Variants in PPP2R2B observed in about 807,000 individuals in gnomAD.
PPP2R2B encodes the protein protein phosphatase 2 regulatory subunit Bbeta, also known as serine/threonine-protein phosphatase 2A 55 kDa regulatory subunit B beta isoform.
PPP2R2B carries 5 observed loss-of-function variants against 46.0 expected under a neutral mutation model. The ratio of observed to expected loss-of-function variants is 0.11; its 90% CI spans 0.06 to 0.23. PPP2R2B has a LOEUF of 0.23. PPP2R2B is among the 10% of genes least tolerant of loss of function. PPP2R2B has a pLI of 1.00. For missense variants in PPP2R2B, 367 were observed against 575.0 expected (o/e 0.64, Z 3.70); for synonymous variants, 215 against 206.7 (o/e 1.04, Z -0.34).
intron 1 of PPP2R2B, among the ~76,000 whole-genome samples, chr5:146,973,740 A>G (rs1009459136): frequency 6.6e-6 from 1 of 152,050 alleles, no homozygotes; most frequent in African/African-American, 2.4e-5. Flanking sequence ...GGTATAACCT[A>G]CTTATATTTT....
chr5:146,634,325 C>T (rs1256680177), intron 7 of PPP2R2B, among the ~76,000 whole-genome samples: 1 of 152,026 alleles, frequency 6.6e-6, no homozygotes, highest in Non-Finnish European at 1.5e-5. Context: ...GGGTCTTCAG[C>T]CTGAGGGTTT....
At chr5:146,643,246 T>G (rs972847398) in intron 6 of PPP2R2B, among the ~76,000 whole-genome samples, 1 of 152,128 alleles carries the variant, frequency 6.6e-6, no homozygotes, top group Non-Finnish European at 1.5e-5. Flanking sequence ...TCTTTCTTTG[T>G]GTATTCTATA....
chr5:146,840,540 T>G (rs561134686), intron 2 of PPP2R2B, among the ~76,000 whole-genome samples: 1 of 152,156 alleles, frequency 6.6e-6, no homozygotes, highest in Non-Finnish European at 1.5e-5. Context: ...TCACTAAAAA[T>G]AAAATCAACA....
chr5:146,881,703 T>C (rs947699799), upstream of PPP2R2B, among the ~76,000 whole-genome samples: 14 of 152,178 alleles, frequency 9.2e-5, no homozygotes, highest in African/African-American at 3.4e-4. Flanking sequence ...TGAGCCACCA[T>C]GCCTGGCCTC....
chr5:146,954,677 GAA>G (rs1751793729), intron 1 of PPP2R2B, among the ~76,000 whole-genome samples: 1 of 151,472 alleles, frequency 6.6e-6, no homozygotes, highest in Non-Finnish European at 1.5e-5. Context: ...TAAAAGAAAT[GAA>G]AAGAGAGCCG....
chr5:146,710,277 T>C (rs1466654376), intron 2 of PPP2R2B, among the ~76,000 whole-genome samples: 1 of 152,188 alleles, frequency 6.6e-6, no homozygotes, highest in African/African-American at 2.4e-5. Flanking sequence ...CCACCATGCT[T>C]GCTGAGCTGT....
intron 6 of PPP2R2B, among the ~76,000 whole-genome samples, chr5:146,647,720 ATG>A (rs1307861349): frequency 6.6e-6 from 1 of 152,144 alleles, no homozygotes; most frequent in Non-Finnish European, 1.5e-5. Flanking sequence ...TTCAGAAAAC[ATG>A]TCACCTAGAC....
At chr5:146,952,835 G>A (rs1751683614) in intron 1 of PPP2R2B, among the ~76,000 whole-genome samples, 1 of 152,150 alleles carries the variant, frequency 6.6e-6, no homozygotes, top group African/African-American at 2.4e-5. Flanking sequence ...AGGTATGTGA[G>A]AGTCATAAGC....
chr5:146,859,568 C>G (rs1167646586), intron 2 of PPP2R2B, among the ~76,000 whole-genome samples: 1 of 152,176 alleles, frequency 6.6e-6, no homozygotes, highest in African/African-American at 2.4e-5. Flanking sequence ...TGCAGCTTAT[C>G]TATCTAACAA....
intron 2 of PPP2R2B, among the ~76,000 whole-genome samples, chr5:146,703,702 A>G (rs1190871366): frequency 6.6e-6 from 1 of 152,226 alleles, no homozygotes; most frequent in Non-Finnish European, 1.5e-5. Context: ...TTTAAGACCC[A>G]TGCAAGTCAA....
At chr5:146,732,144 C>T (rs3910815) in intron 2 of PPP2R2B, among the ~76,000 whole-genome samples, 30,562 of 152,082 alleles carry the variant, frequency 0.2, 4,515 homozygotes, top group African/African-American at 0.41. Flanking sequence ...GCTGAAATCA[C>T]CACTCATTTA....
At chr5:146,796,797 A>C (rs1356002168) in intron 2 of PPP2R2B, among the ~76,000 whole-genome samples, 1 of 152,182 alleles carries the variant, frequency 6.6e-6, no homozygotes, top group Non-Finnish European at 1.5e-5. Context: ...GCCAGGAAGC[A>C]CATGTTTTTT....
At chr5:146,834,112 ATTC>A (rs1199012258) in intron 2 of PPP2R2B, among the ~76,000 whole-genome samples, 2 of 152,194 alleles carry the variant, frequency 1.3e-5, no homozygotes, top group African/African-American at 2.4e-5. Flanking sequence ...GCTAAAAAGG[ATTC>A]TTGTTATTTA....
chr5:146,586,183 G>A lies in PPP2R2B; in HGVS notation c.*3764C>T, dbSNP rs963236028. 3.9e-5 allele frequency: 6 copies of A among 152,250 alleles called. 1 individual carries two copies. Among genetic ancestry groups the A allele is most frequent in the Non-Finnish European group, 8.8e-5 (6 of 68,078 alleles). The allele number at this position is 152,250 out of a possible 1,614,324, so 9.4% of individuals were successfully genotyped here. Reference sequence around the variant, plus strand: ...ATCAGATGAGATCGGGTGCATTCAGGGTGGTATGTCCAAAGACTGTGTCAG... The same window carrying A: ...ATCAGATGAGATCGGGTGCATTCAGAGTGGTATGTCCAAAGACTGTGTCAG... On this transcript the variant is annotated 3_prime_UTR_variant, in exon 10 of 10. Coordinates refer to ENST00000394411, the MANE Select transcript of PPP2R2B (RefSeq NM_181675.4).
At chr5:146,697,599 T>A (rs921358775) in intron 4 of PPP2R2B, among the ~76,000 whole-genome samples, 2 of 152,234 alleles carry the variant, frequency 1.3e-5, no homozygotes, top group African/African-American at 4.8e-5. Flanking sequence ...CAGGGATTAA[T>A]AACTTCTATT....
chr5:146,621,416 GCAT>G (rs757295192), intron 7 of PPP2R2B, among the ~76,000 whole-genome samples: 5 of 152,180 alleles, frequency 3.3e-5, no homozygotes, highest in Non-Finnish European at 5.9e-5. Flanking sequence ...ATCTCATATA[GCAT>G]CATTTTTCCT....
chr5:146,831,131 A>G (rs1472780507), intron 2 of PPP2R2B, among the ~76,000 whole-genome samples: 3 of 152,122 alleles, frequency 2.0e-5, no homozygotes, highest in South Asian at 2.1e-4. Flanking sequence ...CTCGTTATGT[A>G]TACTATACTT....
At chr5:146,657,033 C>A (rs951314782) in intron 5 of PPP2R2B, among the ~76,000 whole-genome samples, 2 of 152,340 alleles carry the variant, frequency 1.3e-5, no homozygotes, top group South Asian at 2.1e-4. Context: ...GGTGACCACA[C>A]CAGCGATTCT....
chr5:147,061,573 T>G (rs538215108), intron 2 of PPP2R2B, among the ~76,000 whole-genome samples: 1 of 152,304 alleles, frequency 6.6e-6, no homozygotes, highest in African/African-American at 2.4e-5. Flanking sequence ...CCCTTAGACC[T>G]AGCAGAGCAG....
Sources: gnomAD v4.1 joint callset for allele counts (sites outside exome capture counted in the v4.1 genomes callset) on GRCh38, gnomAD v4.1.1 for gene constraint, MANE v1.5 for transcripts, NCBI Gene and HGNC (gene_info 2026-07-23, HGNC 2026-07-21) for gene names.